Variants in TENM4 observed in about 807,000 individuals in gnomAD.
TENM4 encodes teneurin transmembrane protein 4.
Under a neutral mutation model 243.3 loss-of-function variants are expected in TENM4, and 82 were observed. The observed-to-expected ratio is 0.34, with a 90% CI of 0.28 to 0.40. The LOEUF (loss-of-function observed/expected upper bound fraction) is 0.40. Ranked by LOEUF, TENM4 falls within the 10% of genes least tolerant of loss-of-function variation. The pLI, the probability that TENM4 is intolerant of heterozygous loss-of-function variation, is 1.00. For missense variants in TENM4, 3,138 were observed against 3,673.3 expected (o/e 0.85, Z 3.77); for synonymous variants, 1,412 against 1,456.3 (o/e 0.97, Z 0.69).
At chr11:78,820,146 A>G (rs1223652425) in intron 12 of TENM4, among the ~76,000 whole-genome samples, 2 of 152,262 alleles carry the variant, frequency 1.3e-5, no homozygotes, top group African/African-American at 4.8e-5. Context: ...CAGCAACTCA[A>G]GGTTGAAGGA....
At chr11:79,153,552 AC>A (rs1268502242) in intron 3 of TENM4, among the ~76,000 whole-genome samples, 1 of 152,110 alleles carries the variant, frequency 6.6e-6, no homozygotes. Flanking sequence ...TCACACCCCT[AC>A]CAAAACCAAG....
At chr11:79,344,195 A>G (rs74512070) in intron 1 of TENM4, among the ~76,000 whole-genome samples, 2,173 of 152,292 alleles carry the variant, frequency 0.014, 23 homozygotes, top group Non-Finnish European at 0.022. Context: ...ACTCACTCAT[A>G]CTGCCCGAGT....
chr11:79,242,688 C>A (rs1855446036), intron 2 of TENM4, among the ~76,000 whole-genome samples: 1 of 152,190 alleles, frequency 6.6e-6, no homozygotes, highest in African/African-American at 2.4e-5. Flanking sequence ...TAACCAATTC[C>A]CTAAAGTGGA....
Position 78,924,494 on chromosome 11 carries a change from C to T in TENM4, c.494-20971G>A, listed in dbSNP as rs953444925. 2.6e-5 allele frequency: 4 copies of T among 152,188 alleles called. No individual in the cohort carries two copies. The East Asian group carries it at 7.7e-4, about 29-fold the overall frequency. The allele number at this position is 152,188 out of a possible 1,614,324, so 9.4% of individuals were successfully genotyped here. A position where few individuals can be genotyped will look rare whatever the true frequency, so the allele number is the denominator to read the frequency against. Reference sequence around the variant, plus strand: ...ATTTTATAATAAATCTTGATTCTACCACTTACAGCAGTACATCTTTGGGGA... The same window carrying T: ...ATTTTATAATAAATCTTGATTCTACTACTTACAGCAGTACATCTTTGGGGA... On this transcript the variant is annotated intron_variant, in intron 6 of 33. Coordinates refer to ENST00000278550, the MANE Select transcript of TENM4 (RefSeq NM_001098816.3).
At chr11:79,291,523 AG>A (rs1856357357) in intron 2 of TENM4, among the ~76,000 whole-genome samples, 1 of 152,112 alleles carries the variant, frequency 6.6e-6, no homozygotes, top group Admixed American at 6.5e-5. Context: ...GAGGATCTGC[AG>A]GGTGGGGGCC....
intron 3 of TENM4, among the ~76,000 whole-genome samples, chr11:79,165,674 T>G (rs1862894161): frequency 6.6e-6 from 1 of 152,210 alleles, no homozygotes. Flanking sequence ...TTGTTTTTGT[T>G]GCATTTGCTT....
intron 6 of TENM4, among the ~76,000 whole-genome samples, chr11:79,059,157 G>T (rs985606860): frequency 3.9e-5 from 6 of 152,102 alleles, no homozygotes; most frequent in African/African-American, 1.4e-4. Context: ...TGACAATTTG[G>T]GGCAGGGGTA....
intron 4 of TENM4, among the ~76,000 whole-genome samples, chr11:79,108,867 T>C (rs925833157): frequency 1.1e-4 from 16 of 152,148 alleles, no homozygotes; most frequent in African/African-American, 3.6e-4. Context: ...CCCAGTTCCC[T>C]GTCTGCTTTC....
chr11:78,699,504 A>G (rs886664408), intron 28 of TENM4, among the ~76,000 whole-genome samples: 1 of 152,230 alleles, frequency 6.6e-6, no homozygotes, highest in Non-Finnish European at 1.5e-5. Flanking sequence ...CTCAGAAAAC[A>G]AAAACAAAAA....
intron 9 of TENM4, among the ~76,000 whole-genome samples, chr11:78,879,545 C>A (rs1185073900): frequency 8.5e-6 from 1 of 117,810 alleles, no homozygotes; most frequent in African/African-American, 3.4e-5. Context: ...CGGCCGCCAC[C>A]CTGTCTGCGA....
In TENM4 at chr11:79,234,606, C is replaced by T. The variant is rs150501286; in HGVS notation, c.-264-18697G>A. On this transcript the variant is annotated intron_variant, in intron 2 of 33. Coordinates refer to ENST00000278550, the MANE Select transcript of TENM4 (RefSeq NM_001098816.3). ...ATGCTCAGGGAAGGTCCCATGTGCT[C>T]CCTTCTTCCACCTCTGCAGAGTGGC... Among the ~76,000 whole-genome samples the T allele has an allele frequency of 3.9e-5, 6 of 152,322 alleles. No homozygotes were observed. The East Asian group carries it at 1.2e-3, about 29-fold the overall frequency.
chr11:78,708,003 A>G (rs554974681), intron 27 of TENM4, among the ~76,000 whole-genome samples: 1 of 152,354 alleles, frequency 6.6e-6, no homozygotes, highest in African/African-American at 2.4e-5. Flanking sequence ...GCTTAGAAAG[A>G]GAACAGGCAA....
intron 6 of TENM4, among the ~76,000 whole-genome samples, chr11:78,935,054 G>T (rs1352340670): frequency 8.1e-6 from 1 of 124,166 alleles, no homozygotes; most frequent in Admixed American, 1.1e-4. Context: ...GCCCAGGCCG[G>T]ACTGCGGACT....
intron 6 of TENM4, among the ~76,000 whole-genome samples, chr11:78,972,560 C>T (rs1156614479): frequency 3.9e-5 from 6 of 152,126 alleles, no homozygotes. Context: ...AAGAAGAGAG[C>T]CCTTTAGGTT....
At chr11:79,132,442 CAG>C (rs1205490645) in intron 4 of TENM4, among the ~76,000 whole-genome samples, 1 of 149,988 alleles carries the variant, frequency 6.7e-6, no homozygotes, top group Non-Finnish European at 1.5e-5. Flanking sequence ...GTCATCAAGA[CAG>C]AAAGTCAGCA....
At chr11:79,410,510 C>T (rs1858677129) in intron 1 of TENM4, among the ~76,000 whole-genome samples, 1 of 152,216 alleles carries the variant, frequency 6.6e-6, no homozygotes, top group Non-Finnish European at 1.5e-5. Context: ...CTTCCTCCTA[C>T]AATTGTTTCT....
chr11:79,359,328 A>G (rs1857552774), intron 1 of TENM4, among the ~76,000 whole-genome samples: 1 of 152,216 alleles, frequency 6.6e-6, no homozygotes, highest in African/African-American at 2.4e-5. Flanking sequence ...ATGAACAGCA[A>G]TGGGATAACT....
At chr11:79,047,091 G>C (rs1235558423) in intron 6 of TENM4, among the ~76,000 whole-genome samples, 1 of 152,192 alleles carries the variant, frequency 6.6e-6, no homozygotes, top group Non-Finnish European at 1.5e-5. Context: ...AGGTTTCACG[G>C]CATTACCTTG....
chr11:78,943,025 T>C (rs1008721755), intron 6 of TENM4, among the ~76,000 whole-genome samples: 2 of 152,130 alleles, frequency 1.3e-5, no homozygotes, highest in Admixed American at 1.3e-4. Flanking sequence ...AGTCGGTGCA[T>C]GGTCCTGCGA....
Sources: allele counts gnomAD v4.1 joint callset (sites outside exome capture counted in the v4.1 genomes callset), GRCh38; gene constraint gnomAD v4.1.1; transcripts MANE v1.5; gene names NCBI Gene and HGNC (gene_info 2026-07-23, HGNC 2026-07-21).